DNAH11: variants seen among roughly 807,000 people sequenced by gnomAD.
DNAH11 encodes the protein axonemal beta dynein heavy chain 11.
DNAH11 carries 442 observed loss-of-function variants against 526.0 expected under a neutral mutation model. The ratio of observed to expected loss-of-function variants is 0.84; its 90% CI spans 0.78 to 0.91. The LOEUF (loss-of-function observed/expected upper bound fraction) is 0.91. DNAH11 is among the 40% of genes least tolerant of loss of function. DNAH11 has a pLI of 0.00. For missense variants in DNAH11, 6,989 were observed against 5,448.7 expected, an observed-to-expected ratio of 1.28 and a Z score of -8.90; for synonymous variants, 2,461 against 1,935.9, an observed-to-expected ratio of 1.27 and a Z score of -7.12.
chr7:21,610,604 A>C (rs963294912), intron 20 of DNAH11, among the ~76,000 whole-genome samples: 2 of 152,166 alleles, frequency 1.3e-5, no homozygotes, highest in Admixed American at 6.5e-5. Flanking sequence ...GAAATAAAAG[A>C]TAATATTGAA....
chr7:21,760,782 TG>T (rs1336001656), intron 54 of DNAH11, among the ~76,000 whole-genome samples: 1 of 152,210 alleles, frequency 6.6e-6, no homozygotes, highest in Non-Finnish European at 1.5e-5. Flanking sequence ...TTAGAGTCCA[TG>T]AAATGCTGGT....
intron 2 of DNAH11, among the ~76,000 whole-genome samples, chr7:21,545,929 A>G (rs1420672340): frequency 1.3e-5 from 2 of 152,172 alleles, no homozygotes; most frequent in Non-Finnish European, 2.9e-5. Context: ...TTGTAACACA[A>G]TGCCCCAGGT....
intron 67 of DNAH11, among the ~76,000 whole-genome samples, chr7:21,853,636 A>C (rs918575552): frequency 6.6e-6 from 1 of 152,186 alleles, no homozygotes. Context: ...ACTGTATCCT[A>C]TGGGACCAGC....
At chr7:21,794,538 G>A (rs1788621931) in intron 61 of DNAH11, among the ~76,000 whole-genome samples, 1 of 152,242 alleles carries the variant, frequency 6.6e-6, no homozygotes, top group Non-Finnish European at 1.5e-5. Context: ...CTGAATTGAG[G>A]GTAAGGGGCC....
chr7:21,567,704 A>G (rs1347822905), intron 6 of DNAH11, among the ~76,000 whole-genome samples: 1 of 152,208 alleles, frequency 6.6e-6, no homozygotes, highest in Admixed American at 6.5e-5. Flanking sequence ...GCTTGACCCT[A>G]TGACGGGAAT....
At position 21,591,271 on chromosome 7, in the gene DNAH11, T is replaced by C. The variant is rs890637779; in HGVS notation, c.2361T>C (p.Asp787=). Residue 787 remains aspartate, a synonymous_variant, in exon 14 of 82, where the codon GAT becomes GAC. Transcript: ENST00000409508. ...LLEVEYPLIE[D]ELRAIDEQLT... ...AAGTTGAATACCCTCTGATTGAAGA[T>C]GAGCTGAGGGCTATTGACGAGCAGC... 1 of 1,609,006 alleles carries C rather than the reference T, an allele frequency of 6.2e-7. No individual in the cohort carries two copies. The highest frequency in any genetic ancestry group is 8.5e-7 in the Non-Finnish European group (1 of 1,177,310).
intron 55 of DNAH11, among the ~76,000 whole-genome samples, chr7:21,772,593 G>C (rs1450419929): frequency 6.6e-6 from 1 of 152,058 alleles, no homozygotes; most frequent in East Asian, 1.9e-4. Context: ...TGAGTTCACT[G>C]TTTGGAAATA....
chr7:21,670,822 C>T (rs1362715362), intron 30 of DNAH11, among the ~76,000 whole-genome samples: 3 of 151,726 alleles, frequency 2.0e-5, no homozygotes, highest in Non-Finnish European at 4.4e-5. Context: ...ACTTTGCATT[C>T]CTGAATAATA....
intron 25 of DNAH11, among the ~76,000 whole-genome samples, chr7:21,629,324 G>T (rs572564714): frequency 2.6e-5 from 4 of 152,030 alleles, no homozygotes; most frequent in African/African-American, 7.2e-5. Flanking sequence ...TGTGCCCTAA[G>T]ATATGATCTA....
rs760133325 is a variant in DNAH11 at position 21,901,022 on chromosome 7, C to G, written c.13319C>G (p.Thr4440Ser). The G allele has an allele frequency of 6.2e-7, 1 of 1,605,702 alleles. No homozygotes were observed. Among genetic ancestry groups the G allele is most frequent in the East Asian group, 2.2e-5 (1 of 44,732 alleles). The part of the protein sequence containing the change: ...GLFMEGARWD[T>S]QAGTIVEARL... ...TTTGCCATAGGCGCCCGCTGGGACA[C>G]CCAAGCAGGAACCATTGTTGAAGCC... is the stretch of plus-strand genomic sequence containing the variant. Residue 4440 changes from threonine to serine, a missense_variant, in exon 82 of 82, where the codon ACC (threonine) becomes AGC (serine). Transcript: ENST00000409508.
intron 35 of DNAH11, among the ~76,000 whole-genome samples, chr7:21,694,671 C>T (rs544202894): frequency 4.3e-4 from 66 of 152,110 alleles, no homozygotes; most frequent in Non-Finnish European, 6.2e-4. Context: ...CATGTGTATA[C>T]GTCTTTATAG....
intron 30 of DNAH11, among the ~76,000 whole-genome samples, chr7:21,672,672 A>G (rs1020143322): frequency 1.3e-5 from 2 of 152,194 alleles, no homozygotes; most frequent in Non-Finnish European, 2.9e-5. Context: ...GAGATATGCC[A>G]TGGCTGATGC....
chr7:21,739,563 T>A lies in DNAH11; in HGVS notation c.7812-8T>A. 1 of 1,607,454 alleles carries A rather than the reference T, an allele frequency of 6.2e-7. No homozygotes were observed. Among genetic ancestry groups the A allele is most frequent in the East Asian group, 2.2e-5 (1 of 44,780 alleles). Reference sequence around the variant, plus strand: ...TTTGGATTTAAGGTTCTGTTTTCTGTCTTTCAGGTATGATAGACAGAAGGT... The same window carrying A: ...TTTGGATTTAAGGTTCTGTTTTCTGACTTTCAGGTATGATAGACAGAAGGT... On this transcript the variant is annotated splice_region_variant and splice_polypyrimidine_tract_variant and intron_variant, in intron 47 of 81. Transcript: ENST00000409508.
Position 21,608,040 on chromosome 7 carries a change from C to CT in DNAH11, c.3852+1322dup, listed in dbSNP as rs772313627. On this transcript the variant is annotated intron_variant, in intron 20 of 81. Transcript: ENST00000409508. ...AGGATTAACATTCTGGCTATCTAAACTTTTTTTTTTTTTTTAATCAGAAAT... is the reference window on the plus strand; with the variant it reads ...AGGATTAACATTCTGGCTATCTAAACTTTTTTTTTTTTTTTTAATCAGAAAT... Among the ~76,000 whole-genome samples the CT allele has an allele frequency of 2.9e-3, 378 of 129,594 alleles. 2 individuals carry two copies. Among genetic ancestry groups the CT allele is most frequent in the East Asian group, 0.017 (73 of 4,334 alleles). The allele number at this position is 129,594 out of a possible 152,430, so 85.0% of individuals were successfully genotyped here.
chr7:21,640,894 G>T (rs1562721814), intron 28 of DNAH11, among the ~76,000 whole-genome samples: 1 of 152,124 alleles, frequency 6.6e-6, no homozygotes. Flanking sequence ...GTTTAGGGGT[G>T]TGATCTGTCT....
intron 23 of DNAH11, 148 bp downstream of exon 23, chr7:21,617,925 GAA>G (rs1372261124): frequency 3.2e-6 from 3 of 929,100 alleles, no homozygotes; most frequent in Non-Finnish European, 4.5e-6. Context: ...TTGCTGTCTA[GAA>G]AAAGTCGCCT....
In DNAH11 at chr7:21,773,784, A is replaced by G. The variant is rs755550337; in HGVS notation, c.9121A>G (p.Ile3041Val). 6.2e-6 allele frequency: 10 copies of G among 1,600,364 alleles called. No individual in the cohort carries two copies. Among genetic ancestry groups the G allele is most frequent in the Admixed American group, 1.7e-5 (1 of 58,052 alleles). The change falls in exon 56 of 82, where the codon ATT becomes GTT. Residue 3041 changes from isoleucine to valine, a missense_variant. Coordinates refer to ENST00000409508, the MANE Select transcript of DNAH11 (RefSeq NM_001277115.2). ...KGIEPVHKDS[I>V]SLFMAHVHTT... ...TTTTCAGCCAGTGCACAAAGACTCT[A>G]TTAGCCTTTTCATGGCACATGTTCA...
At chr7:21,558,696 A>ATGT in intron 2 of DNAH11, 106 bp from the exon 3 acceptor site, 1 of 771,646 alleles carries the variant, frequency 1.3e-6, no homozygotes, top group Non-Finnish European at 2.1e-6. Flanking sequence ...ATATCATTGG[A>ATGT]TATTTATGAA....
At chr7:21,675,271 G>A (rs114073110) in intron 30 of DNAH11, among the ~76,000 whole-genome samples, 2,956 of 152,108 alleles carry the variant, frequency 0.019, 83 homozygotes, top group African/African-American at 0.067. Context: ...TTCCTATGCC[G>A]CCCACTCCTG....
Sources: gnomAD v4.1 joint callset for allele counts (sites outside exome capture counted in the v4.1 genomes callset) on GRCh38, gnomAD v4.1.1 for gene constraint, MANE v1.5 for transcripts, NCBI Gene and HGNC (gene_info 2026-07-23, HGNC 2026-07-21) for gene names.